PIEZO2: variants seen among roughly 807,000 people sequenced by gnomAD.
The protein encoded by PIEZO2 is piezo-type mechanosensitive ion channel component 2.
In PIEZO2, 172 loss-of-function variants were observed where a neutral mutation model predicts 337.3. That is an observed-to-expected ratio of 0.51 (90% CI 0.45 to 0.58). The LOEUF (loss-of-function observed/expected upper bound fraction) is 0.58. Ranked by LOEUF, PIEZO2 falls within the 20% of genes least tolerant of loss-of-function variation. The pLI is 0.00. For synonymous variants in PIEZO2, 1,251 were observed against 1,228.5 expected, an observed-to-expected ratio of 1.02 and a Z score of -0.38; for missense variants, 3,028 against 3,391.3, an observed-to-expected ratio of 0.89 and a Z score of 2.66.
intron 7 of PIEZO2, among the ~76,000 whole-genome samples, chr18:10,812,596 C>T (rs1011675992): frequency 1.4e-4 from 21 of 152,230 alleles, no homozygotes; most frequent in African/African-American, 4.6e-4. Flanking sequence ...GGTTGCTCAT[C>T]GCAGCACTGT....
chr18:10,823,965 A>G (rs1568101184), intron 7 of PIEZO2, among the ~76,000 whole-genome samples: 1 of 152,220 alleles, frequency 6.6e-6, no homozygotes, highest in South Asian at 2.1e-4. Flanking sequence ...CCTTGCCTAC[A>G]GTTCTTTCAC....
chr18:11,111,063 G>C lies in PIEZO2; in HGVS notation c.64+37462C>G, dbSNP rs1258677789. ...GTCCGGGCAGACAGGGCAGAGGACA[G>C]ACAGGGAGCCTCCCCAAGCACTAGG... is the stretch of plus-strand genomic sequence containing the variant. On this transcript the variant is annotated intron_variant, in intron 1 of 55. Transcript: ENST00000674853. This position sits in a 1 kb window ranked among gnomAD's most constrained non-coding sequence, Gnocchi z 6.2. Among the ~76,000 whole-genome samples the C allele has an allele frequency of 6.6e-6, 1 of 152,212 alleles. No individual in the cohort carries two copies. Among genetic ancestry groups the C allele is most frequent in the Non-Finnish European group, 1.5e-5 (1 of 68,030 alleles).
intron 2 of PIEZO2, among the ~76,000 whole-genome samples, chr18:11,008,974 C>T (rs530697728): frequency 5.3e-5 from 8 of 152,276 alleles, no homozygotes; most frequent in South Asian, 2.1e-4. Flanking sequence ...GGGAAACAGA[C>T]GTAGGAATCT....
intron 7 of PIEZO2, among the ~76,000 whole-genome samples, chr18:10,811,478 T>C (rs8095854): frequency 0.53 from 79,921 of 151,892 alleles, 21,256 homozygotes; most frequent in South Asian, 0.58. Context: ...ATCACGGTTA[T>C]GGTAGGAGCA....
chr18:11,026,111 GAACGGCGCCTTTACA>G (rs1209129726), intron 2 of PIEZO2, among the ~76,000 whole-genome samples: 1 of 152,202 alleles, frequency 6.6e-6, no homozygotes, highest in Non-Finnish European at 1.5e-5. Context: ...AGGGCAGGCT[GAACGGCGCCTTTACA>G]AACATGCAAT....
At chr18:10,840,597 T>G (rs1029230509) in intron 7 of PIEZO2, among the ~76,000 whole-genome samples, 9 of 152,194 alleles carry the variant, frequency 5.9e-5, no homozygotes, top group Non-Finnish European at 1.3e-4. Context: ...GTAATCTATT[T>G]ATAGTAAATA....
chr18:10,696,521 C>T lies in PIEZO2; in HGVS notation c.6846G>A (p.Val2282=), dbSNP rs759704030. 6.2e-7 allele frequency: 1 copy of T among 1,613,590 alleles called. No homozygotes were observed. Among genetic ancestry groups the T allele is most frequent in the Non-Finnish European group, 8.5e-7 (1 of 1,179,970 alleles). Residue 2282 remains valine (V), a synonymous_variant, in exon 46 of 56, where the codon GTG becomes GTA. Transcript: ENST00000674853. ...GGTTGTAAAAGAACTGTTTGATGGG[C>T]ACATAGATCTCCAGCGTCCTGCAAA... ...FTIKKTLEIY[V]PIKQFFYNLI...
Position 10,872,688 on chromosome 18 carries a change from A to G in PIEZO2, c.330-1273T>C, listed in dbSNP as rs1409071700. On this transcript the variant is annotated intron_variant, in intron 4 of 55. Transcript: ENST00000674853. The surrounding 1 kb of genome is among the most constrained non-coding windows in gnomAD (Gnocchi z 4.3). ...TCTAGTGATGTGTAGTGCTGTAACCACAGTACCTATTACTATTATTAAAGC... is the reference window on the plus strand; with the variant it reads ...TCTAGTGATGTGTAGTGCTGTAACCGCAGTACCTATTACTATTATTAAAGC... 2.0e-5 allele frequency among the ~76,000 whole-genome samples: 3 copies of G among 152,316 alleles called. No individual in the cohort carries two copies. Among genetic ancestry groups the G allele is most frequent in the Admixed American group, 6.5e-5 (1 of 15,292 alleles).
At chr18:10,998,184 A>G (rs1412711661) in intron 2 of PIEZO2, among the ~76,000 whole-genome samples, 1 of 152,166 alleles carries the variant, frequency 6.6e-6, no homozygotes, top group Non-Finnish European at 1.5e-5. Context: ...GAATGAGGCA[A>G]AAAGAAAATA....
In PIEZO2 at chr18:11,002,866, G is replaced by C. The variant is rs981293988; in HGVS notation, c.161-23206C>G. 2.6e-5 allele frequency among the ~76,000 whole-genome samples: 4 copies of C among 152,196 alleles called. No homozygotes were observed. Among genetic ancestry groups the C allele is most frequent in the Non-Finnish European group, 4.4e-5 (3 of 68,044 alleles). The stretch of plus-strand genomic sequence containing the variant: ...CACACATTTTCATGGTCCTCCATGG[G>C]CAGGTTCAGCAGAGAACAGACCAAT... On this transcript the variant is annotated intron_variant, in intron 2 of 55. Transcript: ENST00000674853. The surrounding 1 kb of genome is among the most constrained non-coding windows in gnomAD (Gnocchi z 4.3).
At position 10,795,969 on chromosome 18, in the gene PIEZO2, G is replaced by A. The variant is rs570742887; in HGVS notation, c.1528-967C>T. On this transcript the variant is annotated intron_variant, in intron 12 of 55. Transcript: ENST00000674853. This position sits in a 1 kb window ranked among gnomAD's most constrained non-coding sequence, Gnocchi z 4.4. ...TGGGCCAAGGGTCTGTTTTGAAGGT[G>A]TGATGTTGCAGATGGTGAGTAGAAA... is the stretch of plus-strand genomic sequence containing the variant. Among the ~76,000 whole-genome samples the A allele has an allele frequency of 1.4e-4, 21 of 152,210 alleles. No homozygotes were observed. The highest frequency in any genetic ancestry group is 4.3e-4 in the African/African-American group (18 of 41,520).
intron 7 of PIEZO2, among the ~76,000 whole-genome samples, chr18:10,849,053 C>T (rs1347102356): frequency 6.6e-6 from 1 of 152,206 alleles, no homozygotes; most frequent in African/African-American, 2.4e-5. Context: ...GTCACCTAAG[C>T]TGGAGTGCAG....
rs1347214659 is a variant in PIEZO2, at chr18:10,773,094, C to A, written c.2785+318G>T. The stretch of plus-strand genomic sequence containing the variant: ...GAGATTCTGCACAGCCAGGTTGTAC[C>A]TGCATCTGGTAGAAACAGAGAGGCT... On this transcript the variant is annotated intron_variant, in intron 20 of 55. Transcript: ENST00000674853. This position sits in a 1 kb window ranked among gnomAD's most constrained non-coding sequence, Gnocchi z 5.3. Among the ~76,000 whole-genome samples, 1 of 151,872 alleles carries A rather than the reference C, an allele frequency of 6.6e-6. No individual in the cohort carries two copies. Among genetic ancestry groups the A allele is most frequent in the Non-Finnish European group, 1.5e-5 (1 of 68,038 alleles).
intron 24 of PIEZO2, among the ~76,000 whole-genome samples, chr18:10,760,312 T>G (rs2038072189): frequency 6.6e-6 from 1 of 152,144 alleles, no homozygotes; most frequent in Non-Finnish European, 1.5e-5. Context: ...ACTTTATTAT[T>G]TATTTATTTT....
In PIEZO2 at chr18:11,070,789, G is replaced by A. The variant is rs1246557336; in HGVS notation, c.65-4567C>T. 1.3e-5 allele frequency among the ~76,000 whole-genome samples: 2 copies of A among 152,166 alleles called. No individual in the cohort carries two copies. Among genetic ancestry groups the A allele is most frequent in the East Asian group, 1.9e-4 (1 of 5,180 alleles). The stretch of plus-strand genomic sequence containing the variant: ...AGGCCCGGGAGACTGAGCAGAGGAC[G>A]CCAGGGAACAGACTGGGCCTAAGTG... On this transcript the variant is annotated intron_variant, in intron 1 of 55. Transcript: ENST00000674853. This position sits in a 1 kb window ranked among gnomAD's most constrained non-coding sequence, Gnocchi z 4.3.
rs529089185 is a variant in PIEZO2, at chr18:10,873,913, G to T, written c.330-2498C>A. The stretch of plus-strand genomic sequence containing the variant: ...ATTTCAGAACATTAGTCTGGACAAA[G>T]ATTTTTTTGGGTAAGACCTCAAAAG... On this transcript the variant is annotated intron_variant, in intron 4 of 55. Coordinates refer to ENST00000674853, the MANE Select transcript of PIEZO2 (RefSeq NM_001378183.1). 1.3e-4 allele frequency among the ~76,000 whole-genome samples: 20 copies of T among 152,156 alleles called. No homozygotes were observed. In the East Asian group the frequency reaches 2.1e-3, roughly 16 times the overall value.
In PIEZO2 at chr18:11,105,501, C is replaced by A. The variant is rs1054122963; in HGVS notation, c.65-39279G>T. ...CCACGTGGTGAGAATCCCAGCACAG[C>A]TTATCTCATTCTCTCCTGCTTGTTA... On this transcript the variant is annotated intron_variant, in intron 1 of 55. Coordinates refer to ENST00000674853, the MANE Select transcript of PIEZO2 (RefSeq NM_001378183.1). The surrounding 1 kb of genome is among the most constrained non-coding windows in gnomAD (Gnocchi z 4.3). 6.6e-6 allele frequency among the ~76,000 whole-genome samples: 1 copy of A among 152,034 alleles called. No homozygotes were observed. Among genetic ancestry groups the A allele is most frequent in the Non-Finnish European group, 1.5e-5 (1 of 68,026 alleles).
At position 10,871,268 on chromosome 18, in the gene PIEZO2, A is replaced by C; in HGVS notation, c.477T>G (p.Phe159Leu). ...TDEAAQSNPEFENEELAEGEK... is the reference protein window; with the variant it reads ...TDEAAQSNPELENEELAEGEK... ...TTGGATTTACCAATTCTTCATTTTC[A>C]AACTCCGGGTTACTCTGTGCTGCTT... Residue 159 changes from phenylalanine (F) to leucine (L), a missense_variant, in exon 5 of 56, where the codon TTT (phenylalanine) becomes TTG (leucine). Coordinates refer to ENST00000674853, the MANE Select transcript of PIEZO2 (RefSeq NM_001378183.1). The C allele has an allele frequency of 6.5e-7, 1 of 1,535,966 alleles. No homozygotes were observed. The highest frequency in any genetic ancestry group is 8.7e-7 in the Non-Finnish European group (1 of 1,146,554).
chr18:11,046,368 A>G (rs1247479876), intron 2 of PIEZO2, among the ~76,000 whole-genome samples: 1 of 152,212 alleles, frequency 6.6e-6, no homozygotes, highest in Non-Finnish European at 1.5e-5. Context: ...TTTTATGAAA[A>G]TGTGGTCAGC....
Sources: gnomAD v4.1 joint callset for allele counts (sites outside exome capture counted in the v4.1 genomes callset) on GRCh38, gnomAD v4.1.1 for gene constraint, Gnocchi (gnomAD v3.1) non-coding constraint, MANE v1.5 for transcripts, NCBI Gene and HGNC (gene_info 2026-07-23, HGNC 2026-07-21) for gene names.